Variants in ANGPT2 observed in about 807,000 individuals in gnomAD.
The protein encoded by ANGPT2 is angiopoietin-2.
ANGPT2 carries 28 observed loss-of-function variants against 62.9 expected under a neutral mutation model. The observed-to-expected ratio is 0.44, with a 90% CI of 0.33 to 0.61. The LOEUF is 0.61. ANGPT2 is among the 20% of genes least tolerant of loss of function. The probability of loss-of-function intolerance (pLI) is 0.03; values close to 1 mark genes in which losing one functional copy is unlikely to be tolerated. For missense variants in ANGPT2, 727 were observed against 594.9 expected, an observed-to-expected ratio of 1.22 and a Z score of -2.31; for synonymous variants, 284 against 207.8, an observed-to-expected ratio of 1.37 and a Z score of -3.15.
intron 3 of ANGPT2, among the ~76,000 whole-genome samples, chr8:6,525,010 C>G (rs1470404449): frequency 1.3e-5 from 2 of 152,224 alleles, no homozygotes; most frequent in Non-Finnish European, 2.9e-5. Flanking sequence ...AAATAAAGCT[C>G]TATGTAAAAT....
intron 1 of ANGPT2, among the ~76,000 whole-genome samples, chr8:6,543,524 C>A (rs1003604410): frequency 6.6e-6 from 1 of 152,122 alleles, no homozygotes; most frequent in Non-Finnish European, 1.5e-5. Flanking sequence ...CTCCCATCTG[C>A]GGAATAAACC....
At chr8:6,557,766 A>G (rs1824878053) in intron 1 of ANGPT2, among the ~76,000 whole-genome samples, 1 of 152,128 alleles carries the variant, frequency 6.6e-6, no homozygotes, top group African/African-American at 2.4e-5. Context: ...CTTGCCATTA[A>G]GTACCGTAAA....
chr8:6,538,197 T>C (rs972100669), intron 1 of ANGPT2, among the ~76,000 whole-genome samples: 3 of 152,160 alleles, frequency 2.0e-5, no homozygotes, highest in Non-Finnish European at 4.4e-5. Context: ...AATTCACAAA[T>C]AATTTGAGAT....
intron 1 of ANGPT2, among the ~76,000 whole-genome samples, chr8:6,544,091 G>A (rs888819716): frequency 6.6e-6 from 1 of 152,234 alleles, no homozygotes; most frequent in Non-Finnish European, 1.5e-5. Context: ...TGGCAAGACA[G>A]AGAATAGTAT....
intron 8 of ANGPT2, among the ~76,000 whole-genome samples, chr8:6,504,516 C>T (rs1016306085): frequency 1.2e-4 from 18 of 152,068 alleles, no homozygotes; most frequent in African/African-American, 3.6e-4. Context: ...GTCACAGTAT[C>T]GCAGTGCTTA....
At chr8:6,525,759 A>G (rs1818210954) in intron 3 of ANGPT2, among the ~76,000 whole-genome samples, 1 of 152,108 alleles carries the variant, frequency 6.6e-6, no homozygotes, top group Admixed American at 6.6e-5. Context: ...GCTGTTGATG[A>G]AAAAAACCTT....
intron 1 of ANGPT2, among the ~76,000 whole-genome samples, chr8:6,551,497 A>G (rs983359604): frequency 6.6e-6 from 1 of 152,196 alleles, no homozygotes; most frequent in African/African-American, 2.4e-5. Flanking sequence ...AAAATATGCA[A>G]AATTTCACAT....
intron 1 of ANGPT2, among the ~76,000 whole-genome samples, chr8:6,545,440 G>A (rs1822409864): frequency 6.6e-6 from 1 of 152,154 alleles, no homozygotes; most frequent in Non-Finnish European, 1.5e-5. Context: ...GTTACTATGG[G>A]TGGTTTTATT....
At chr8:6,526,389 G>C (rs1403277885) in intron 3 of ANGPT2, among the ~76,000 whole-genome samples, 1 of 151,376 alleles carries the variant, frequency 6.6e-6, no homozygotes, top group East Asian at 1.9e-4. Flanking sequence ...AGCTGAGATG[G>C]CACCACTGCA....
chr8:6,530,658 G>A (rs564883339), intron 2 of ANGPT2, among the ~76,000 whole-genome samples: 2 of 152,012 alleles, frequency 1.3e-5, no homozygotes, highest in East Asian at 3.9e-4. Flanking sequence ...AGTACCTTAT[G>A]ATCCGTTATG....
intron 8 of ANGPT2, among the ~76,000 whole-genome samples, chr8:6,507,243 C>G (rs1813931489): frequency 6.6e-6 from 1 of 152,086 alleles, no homozygotes; most frequent in African/African-American, 2.4e-5. Context: ...CTTGGGTCAT[C>G]CATTTGTTTA....
chr8:6,525,870 G>C (rs1253191502), intron 3 of ANGPT2, among the ~76,000 whole-genome samples: 3 of 152,110 alleles, frequency 2.0e-5, no homozygotes, highest in African/African-American at 7.2e-5. Flanking sequence ...AATATGATTG[G>C]AAAAATATTT....
chr8:6,539,747 T>C (rs1821198889), intron 1 of ANGPT2, among the ~76,000 whole-genome samples: 2 of 152,118 alleles, frequency 1.3e-5, no homozygotes, highest in Admixed American at 1.3e-4. Context: ...CCACCATGCC[T>C]GGGAAATTTT....
At chr8:6,549,625 G>A (rs746058989) in intron 1 of ANGPT2, among the ~76,000 whole-genome samples, 4 of 151,858 alleles carry the variant, frequency 2.6e-5, no homozygotes, top group African/African-American at 4.8e-5. Context: ...TTACACAGGT[G>A]CGCACAGATA....
chr8:6,534,602 G>A (rs1457879879), intron 1 of ANGPT2, among the ~76,000 whole-genome samples: 2 of 152,190 alleles, frequency 1.3e-5, no homozygotes, highest in Non-Finnish European at 2.9e-5. Flanking sequence ...CCAAAACAGA[G>A]TAGACCACTA....
intron 2 of ANGPT2, among the ~76,000 whole-genome samples, chr8:6,528,800 A>G (rs746630661): frequency 2.0e-5 from 3 of 152,200 alleles, no homozygotes; most frequent in Non-Finnish European, 2.9e-5. Context: ...TGGTGTCTTT[A>G]TGTCATTTGC....
At chr8:6,540,500 G>C (rs1238775502) in intron 1 of ANGPT2, among the ~76,000 whole-genome samples, 1 of 152,232 alleles carries the variant, frequency 6.6e-6, no homozygotes, top group African/African-American at 2.4e-5. Flanking sequence ...CCAGATGTCT[G>C]TGAGCGTGCA....
In ANGPT2 at chr8:6,499,890, G is replaced by A. The variant is rs3860875; in HGVS notation, c.*3211C>T. ...TAGAATTGGGTCACTGGATTTCTGA[G>A]GAGCCGTTCGAACTGTCTCACCACT... is the stretch of plus-strand genomic sequence containing the variant. On this transcript the variant is annotated 3_prime_UTR_variant, in exon 9 of 9. Coordinates refer to ENST00000629816, the MANE Select transcript of ANGPT2 (RefSeq NM_001118887.2). 2 of 1,613,572 alleles carry A rather than the reference G, an allele frequency of 1.2e-6. No homozygotes were observed. The highest frequency in any genetic ancestry group is 2.2e-5 in the East Asian group (1 of 44,866).
chr8:6,556,963 G>A (rs962087291), intron 1 of ANGPT2, among the ~76,000 whole-genome samples: 3 of 152,254 alleles, frequency 2.0e-5, no homozygotes, highest in Middle Eastern at 3.4e-3. Context: ...GAAGGCACTC[G>A]ATAAATATTT....
Sources: gnomAD v4.1 joint callset for allele counts (sites outside exome capture counted in the v4.1 genomes callset) on GRCh38, gnomAD v4.1.1 for gene constraint, MANE v1.5 for transcripts, NCBI Gene and HGNC (gene_info 2026-07-23, HGNC 2026-07-21) for gene names.